Variants in RCC1L observed in about 807,000 individuals in gnomAD.
The protein encoded by RCC1L is RCC1-like G exchanging factor-like protein.
RCC1L carries 46 observed loss-of-function variants against 58.6 expected under a neutral mutation model. The observed-to-expected ratio is 0.79, with a 90% CI of 0.62 to 1.00. The LOEUF (loss-of-function observed/expected upper bound fraction) is 1.00, where lower values mean the gene tolerates loss of function less well. Among genes scored for constraint, RCC1L ranks in the 50% least tolerant of loss-of-function variants. The pLI is 0.00. For synonymous variants in RCC1L, 281 were observed against 262.9 expected (o/e 1.07, Z -0.67); for missense variants, 636 against 623.6 (o/e 1.02, Z -0.21).
At chr7:75,066,914 A>C in intron 2 of RCC1L, 122 bp from the exon 3 acceptor site, 1 of 1,320,358 alleles carries the variant, frequency 7.6e-7, no homozygotes, top group South Asian at 1.6e-5. Flanking sequence ...TCATCAAGAC[A>C]GGTAAGTTAG....
At chr7:75,039,456 C>T (rs1417142008), downstream of RCC1L, among the ~76,000 whole-genome samples, 1 of 152,338 alleles carries the variant, frequency 6.6e-6, no homozygotes, top group Non-Finnish European at 1.5e-5. Flanking sequence ...TGACAGCATC[C>T]TATTGAGGTT....
At chr7:75,039,624 G>T (rs1382096238), downstream of RCC1L, among the ~76,000 whole-genome samples, 2 of 152,024 alleles carry the variant, frequency 1.3e-5, no homozygotes, top group South Asian at 2.1e-4. Flanking sequence ...CGAGGGAGAT[G>T]GGGGGGAGGC....
intron 10 of RCC1L, 59 bp from the exon 11 acceptor site, chr7:75,043,168 G>A (rs1014995656): frequency 6.8e-5 from 109 of 1,597,008 alleles, no homozygotes; most frequent in Admixed American, 1.7e-4. Context: ...GGAGACAGGC[G>A]CTGGTGTTGG....
chr7:75,033,692 CAAA>C (rs879241870), intron 10 of RCC1L, among the ~76,000 whole-genome samples: 5 of 134,306 alleles, frequency 3.7e-5, no homozygotes, highest in Admixed American at 7.6e-5. Flanking sequence ...GAGTCTCTAT[CAAA>C]AAAAAAAAAA....
In RCC1L at chr7:75,042,832, C is replaced by T; in HGVS notation, c.*200G>A. Reference sequence around the variant, plus strand: ...GCCATCCAAGCTGAGTTCCGCAGGCCTCACCTGCAGCTGGAGAGGGACCTT... The same window carrying T: ...GCCATCCAAGCTGAGTTCCGCAGGCTTCACCTGCAGCTGGAGAGGGACCTT... On this transcript the variant is annotated 3_prime_UTR_variant, in exon 11 of 11. Transcript: ENST00000610322. 1 of 1,446,560 alleles carries T rather than the reference C, an allele frequency of 6.9e-7. No individual in the cohort carries two copies. Among genetic ancestry groups the T allele is most frequent in the Non-Finnish European group, 9.1e-7 (1 of 1,096,134 alleles). The allele number at this position is 1,446,560 out of a possible 1,614,324, so 89.6% of individuals were successfully genotyped here.
intron 3 of RCC1L, among the ~76,000 whole-genome samples, chr7:75,066,333 C>T (rs1806482233): frequency 6.6e-6 from 1 of 151,774 alleles, no homozygotes; most frequent in Admixed American, 6.6e-5. Flanking sequence ...CACCTGTAGT[C>T]CCAGCTACTA....
intron 10 of RCC1L, among the ~76,000 whole-genome samples, chr7:75,032,052 G>A (rs1403543045): frequency 2.0e-5 from 3 of 152,198 alleles, no homozygotes; most frequent in Non-Finnish European, 2.9e-5. Context: ...TTCACACGCC[G>A]TTGCCTCTAC....
chr7:75,057,726 A>G lies in RCC1L; in HGVS notation c.970-110T>C, dbSNP rs1806126911. 7.7e-5 allele frequency: 72 copies of G among 938,162 alleles called. 1 individual carries two copies. In the South Asian group the frequency reaches 9.6e-4, roughly 13 times the overall value. The allele number at this position is 938,162 out of a possible 1,614,324, so 58.1% of individuals were successfully genotyped here. ...GAGTCCTAGTTCATTCATTCACTCC[A>G]CAGATACTTCCTGAACATCACATGC... is the stretch of plus-strand genomic sequence containing the variant. On this transcript the variant is annotated intron_variant, in intron 7 of 10. Transcript: ENST00000610322.
rs11550638 is a variant in RCC1L, at chr7:75,042,637, G to C, written c.*395C>G. 1 of 1,074,068 alleles carries C rather than the reference G, an allele frequency of 9.3e-7. No homozygotes were observed. The highest frequency in any genetic ancestry group is 1.1e-6 in the Non-Finnish European group (1 of 883,208). 66.5% of individuals were successfully genotyped at this position (1,074,068 alleles called of 1,614,324 possible). A position where few individuals can be genotyped will look rare whatever the true frequency, so the allele number is the denominator to read the frequency against. ...CGAGGCACACGCATGGCCTTGGCCAGACACAAACCAAGAGACTGCCATGAC... is the reference window on the plus strand; with the variant it reads ...CGAGGCACACGCATGGCCTTGGCCACACACAAACCAAGAGACTGCCATGAC... On this transcript the variant is annotated 3_prime_UTR_variant, in exon 11 of 11. Transcript: ENST00000610322.
chr7:75,073,575 C>T lies in RCC1L; in HGVS notation c.163G>A (p.Ala55Thr). The T allele has an allele frequency of 1.3e-6, 2 of 1,511,196 alleles. No homozygotes were observed. Among genetic ancestry groups the T allele is most frequent in the Non-Finnish European group, 8.8e-7 (1 of 1,139,242 alleles). 93.6% of individuals were successfully genotyped at this position (1,511,196 alleles called of 1,614,324 possible). A position where few individuals can be genotyped will look rare whatever the true frequency, so the allele number is the denominator to read the frequency against. ...VPVVQYVGER[A>T]ARADRVFVWG... ...ACGAAGACGCGATCGGCGCGGGCAG[C>T]GCGCTCGCCCACGTACTGGACCACG... The change falls in exon 1 of 11, where the codon GCT (alanine) becomes ACT (threonine). Residue 55 changes from alanine to threonine, a missense_variant. Physicochemically the swap from Ala to Thr is moderately conservative, Grantham distance 58. Transcript: ENST00000610322.
At chr7:75,061,157 T>C (rs1314057962) in intron 6 of RCC1L, 50 bp downstream of exon 6, 1 of 1,484,174 alleles carries the variant, frequency 6.7e-7, no homozygotes, top group Middle Eastern at 1.7e-4. Context: ...CAGCTCCACA[T>C]GACACGGGCT....
intron 10 of RCC1L, among the ~76,000 whole-genome samples, chr7:75,049,827 C>T (rs1307384138): frequency 5.3e-5 from 8 of 151,514 alleles, no homozygotes; most frequent in South Asian, 2.1e-4. Context: ...TGCAGTGAGC[C>T]GAGATCCTGT....
chr7:75,040,241 C>T (rs1805522559), downstream of RCC1L, among the ~76,000 whole-genome samples: 1 of 152,200 alleles, frequency 6.6e-6, no homozygotes, highest in African/African-American at 2.4e-5. Context: ...GGGCGGATCT[C>T]TGGAGGTCAG....
downstream of RCC1L, among the ~76,000 whole-genome samples, chr7:75,040,799 A>C (rs1805536910): frequency 6.6e-6 from 1 of 152,202 alleles, no homozygotes; most frequent in Non-Finnish European, 1.5e-5. Context: ...TTTGACTGTA[A>C]TAAACCTAAG....
rs1051204772 is a variant in RCC1L at position 75,046,278 on chromosome 7, C to T, written c.1318-3169G>A. On this transcript the variant is annotated intron_variant, in intron 10 of 10. Coordinates refer to ENST00000610322, the MANE Select transcript of RCC1L (RefSeq NM_030798.5). ...GCAAAGGCACGTCGATGCAGAAAGC[C>T]TGAGAGGCTGGCCGGAGAAGAAAAC... Among the ~76,000 whole-genome samples the T allele has an allele frequency of 1.5e-3, 228 of 152,338 alleles. 1 individual carries two copies. The highest frequency in any genetic ancestry group is 2.5e-3 in the Non-Finnish European group (170 of 68,040).
At chr7:75,072,188 A>G (rs1248849661) in intron 1 of RCC1L, among the ~76,000 whole-genome samples, 2 of 106,406 alleles carry the variant, frequency 1.9e-5, no homozygotes, top group Admixed American at 1.1e-4. Flanking sequence ...ATATATATAT[A>G]TATGGAGAGA....
downstream of RCC1L, among the ~76,000 whole-genome samples, chr7:75,037,852 G>A (rs1332430782): frequency 6.6e-6 from 1 of 152,210 alleles, no homozygotes; most frequent in Non-Finnish European, 1.5e-5. Context: ...TGCACCTCAT[G>A]GTGGCCCCAA....
At chr7:75,036,891 A>T (rs1433738948) in intron 10 of RCC1L, among the ~76,000 whole-genome samples, 1 of 152,074 alleles carries the variant, frequency 6.6e-6, no homozygotes, top group Non-Finnish European at 1.5e-5. Context: ...TGACAGAGTG[A>T]GACTCTGTCT....
chr7:75,065,793 G>A (rs782391814), intron 3 of RCC1L, among the ~76,000 whole-genome samples: 47 of 152,016 alleles, frequency 3.1e-4, no homozygotes, highest in Non-Finnish European at 5.4e-4. Context: ...CGAGGTGGGC[G>A]GATCACCTGA....
Sources: allele counts gnomAD v4.1 joint callset (sites outside exome capture counted in the v4.1 genomes callset), GRCh38; gene constraint gnomAD v4.1.1; transcripts MANE v1.5; gene names NCBI Gene and HGNC (gene_info 2026-07-23, HGNC 2026-07-21).